The following TEX14 variants were observed in gnomAD, a reference collection of about 807,000 sequenced individuals.
TEX14 encodes the protein inactive serine/threonine-protein kinase TEX14.
Under a neutral mutation model 178.6 loss-of-function variants are expected in TEX14, and 168 were observed. The observed-to-expected ratio is 0.94, with a 90% CI of 0.83 to 1.07. The LOEUF (loss-of-function observed/expected upper bound fraction) is 1.07, where lower values mean the gene tolerates loss of function less well. Ranked by LOEUF, TEX14 falls within the 50% of genes least tolerant of loss-of-function variation. The probability of loss-of-function intolerance (pLI) is 0.00; values close to 1 mark genes in which losing one functional copy is unlikely to be tolerated. For synonymous variants in TEX14, 626 were observed against 634.1 expected, an observed-to-expected ratio of 0.99 and a Z score of 0.19; for missense variants, 1,730 against 1,753.6, an observed-to-expected ratio of 0.99 and a Z score of 0.24.
chr17:58,622,485 C>T (rs1303600700), intron 4 of TEX14, among the ~76,000 whole-genome samples: 2 of 151,210 alleles, frequency 1.3e-5, no homozygotes, highest in Non-Finnish European at 2.9e-5. Flanking sequence ...TACTTAATGT[C>T]AGTGGGCCTC....
chr17:58,649,015 G>A (rs995068962), intron 2 of TEX14, among the ~76,000 whole-genome samples: 5 of 150,090 alleles, frequency 3.3e-5, no homozygotes, highest in African/African-American at 1.2e-4. Flanking sequence ...CTGACCTCGT[G>A]ATCCGCTCGC....
chr17:58,668,198 C>T (rs2047245497), intron 1 of TEX14, among the ~76,000 whole-genome samples: 1 of 152,138 alleles, frequency 6.6e-6, no homozygotes, highest in Non-Finnish European at 1.5e-5. Flanking sequence ...AACCACTGAC[C>T]TCCACACTGC....
At chr17:58,632,648 C>T (rs990846369) in intron 2 of TEX14, among the ~76,000 whole-genome samples, 1 of 152,108 alleles carries the variant, frequency 6.6e-6, no homozygotes, top group East Asian at 1.9e-4. Context: ...TACTGGCAGC[C>T]GGCCTGCAAA....
chr17:58,591,165 A>G (rs1167366805), intron 15 of TEX14, among the ~76,000 whole-genome samples: 2 of 152,050 alleles, frequency 1.3e-5, no homozygotes, highest in Non-Finnish European at 2.9e-5. Context: ...AGTGCCAAAC[A>G]CTCTGATGCC....
chr17:58,584,429 C>T, intron 19 of TEX14, 71 bp downstream of exon 19: 2 of 1,145,186 alleles, frequency 1.7e-6, no homozygotes, highest in Non-Finnish European at 2.6e-6. Context: ...TGTCATAACA[C>T]ATAACAATAA....
At chr17:58,635,678 C>T (rs1485093438) in intron 2 of TEX14, among the ~76,000 whole-genome samples, 1 of 152,006 alleles carries the variant, frequency 6.6e-6, no homozygotes, top group African/African-American at 2.4e-5. Context: ...GATCCACCTG[C>T]CTCGGCCTCC....
intron 1 of TEX14, among the ~76,000 whole-genome samples, chr17:58,681,496 G>A (rs1372317692): frequency 6.6e-6 from 1 of 151,944 alleles, no homozygotes; most frequent in Non-Finnish European, 1.5e-5. Context: ...ACACACATAT[G>A]TATATGTATG....
At chr17:58,682,671 G>T (rs1196839807) in intron 1 of TEX14, among the ~76,000 whole-genome samples, 1 of 152,160 alleles carries the variant, frequency 6.6e-6, no homozygotes, top group Non-Finnish European at 1.5e-5. Flanking sequence ...ACCATGCCCG[G>T]CTGCCCAGCC....
chr17:58,662,415 TCACACACACACACACACACACA>T (rs200980242), intron 1 of TEX14, among the ~76,000 whole-genome samples: 3 of 114,888 alleles, frequency 2.6e-5, no homozygotes, highest in South Asian at 2.6e-4. Flanking sequence ...CACACATATC[TCACACACACACACACACACACA>T]CACACACACA....
At chr17:58,683,052 C>CAAAAAAA (rs1194798521) in intron 1 of TEX14, among the ~76,000 whole-genome samples, 1 of 54,044 alleles carries the variant, frequency 1.9e-5, no homozygotes, top group African/African-American at 6.8e-5. Context: ...GAGTCTGTCT[C>CAAAAAAA]AAAAAAAAAA....
intron 3 of TEX14, among the ~76,000 whole-genome samples, chr17:58,625,897 T>C (rs1288978008): frequency 6.6e-6 from 1 of 151,862 alleles, no homozygotes; most frequent in Non-Finnish European, 1.5e-5. Context: ...CCCGCCACCA[T>C]GGCTGGCTAA....
rs148487764 is a variant in TEX14 at position 58,622,662 on chromosome 17, G to T, written c.417+185C>A. On this transcript the variant is annotated intron_variant, in intron 4 of 31. Coordinates refer to ENST00000349033, the MANE Select transcript of TEX14 (RefSeq NM_031272.5). ...GTTGTTTGCCTTTCCCATCGAATAC[G>T]ATGAGTAGAAAGGTTCACTAGACCT... 4.8e-4 allele frequency among the ~76,000 whole-genome samples: 73 copies of T among 152,266 alleles called. 1 individual carries two copies. In the East Asian group the frequency reaches 0.013, roughly 27 times the overall value.
chr17:58,634,741 C>T (rs1341800261), intron 2 of TEX14, among the ~76,000 whole-genome samples: 2 of 152,196 alleles, frequency 1.3e-5, no homozygotes, highest in African/African-American at 4.8e-5. Flanking sequence ...CTGTTCAGGG[C>T]ACCTCTTTGA....
intron 1 of TEX14, chr17:58,661,359 G>A: frequency 1.1e-6 from 1 of 908,798 alleles, no homozygotes; most frequent in Non-Finnish European, 1.9e-6. Context: ...GGCACCATCA[G>A]GTACTTCAGG....
At chr17:58,677,934 G>A (rs2047421176) in intron 1 of TEX14, among the ~76,000 whole-genome samples, 3 of 152,202 alleles carry the variant, frequency 2.0e-5, no homozygotes, top group Admixed American at 1.3e-4. Context: ...GGCAGATCAC[G>A]AGGTCAGGAG....
At chr17:58,572,878 TG>T (rs1468927073) in intron 23 of TEX14, among the ~76,000 whole-genome samples, 2 of 152,268 alleles carry the variant, frequency 1.3e-5, no homozygotes, top group African/African-American at 4.8e-5. Flanking sequence ...TGTTTTAAGT[TG>T]CAAACTCTAC....
chr17:58,600,238 C>T (rs114875752), intron 13 of TEX14, among the ~76,000 whole-genome samples: 1 of 152,120 alleles, frequency 6.6e-6, no homozygotes, highest in African/African-American at 2.4e-5. Context: ...TAACAGTAGC[C>T]TAGGGCCAGG....
rs1323079523 is a variant in TEX14 at position 58,602,395 on chromosome 17, C to A, written c.1527+5G>T. Reference sequence around the variant, plus strand: ...AAATAAACTCCCAACAACTTCAGGGCTTGCCTTTAAGTCATTCTTCAGAAT... The same window carrying A: ...AAATAAACTCCCAACAACTTCAGGGATTGCCTTTAAGTCATTCTTCAGAAT... On this transcript the variant is annotated splice_donor_5th_base_variant and intron_variant, in intron 12 of 31. Coordinates refer to ENST00000349033, the MANE Select transcript of TEX14 (RefSeq NM_031272.5). 1.2e-6 allele frequency: 2 copies of A among 1,605,176 alleles called. No individual in the cohort carries two copies. The highest frequency in any genetic ancestry group is 1.7e-6 in the Non-Finnish European group (2 of 1,174,090).
Position 58,587,891 on chromosome 17 carries a change from C to T in TEX14, c.2702+5G>A, listed in dbSNP as rs2045020079. The T allele has an allele frequency of 6.2e-7, 1 of 1,609,098 alleles. No homozygotes were observed. On this transcript the variant is annotated splice_donor_5th_base_variant and intron_variant, in intron 16 of 31. Coordinates refer to ENST00000349033, the MANE Select transcript of TEX14 (RefSeq NM_031272.5). ...CACCAGTTTCCAGCCCACAAGGATC[C>T]TTACCTGGTAGAGTCCCAGTGACAG...
Sources: gnomAD v4.1 joint callset for allele counts (sites outside exome capture counted in the v4.1 genomes callset) on GRCh38, gnomAD v4.1.1 for gene constraint, MANE v1.5 for transcripts, NCBI Gene and HGNC (gene_info 2026-07-23, HGNC 2026-07-21) for gene names.